Variants in MELTF observed in about 807,000 individuals in gnomAD.
MELTF encodes the protein melanotransferrin.
Under a neutral mutation model 83.7 loss-of-function variants are expected in MELTF, and 67 were observed. The ratio of observed to expected loss-of-function variants is 0.80; its 90% CI spans 0.66 to 0.98. The LOEUF (loss-of-function observed/expected upper bound fraction) is 0.98, where lower values mean the gene tolerates loss of function less well. MELTF is among the 50% of genes least tolerant of loss of function. The pLI is 0.00. For synonymous variants in MELTF, 462 were observed against 447.6 expected (o/e 1.03, Z -0.41); for missense variants, 1,002 against 1,035.6 (o/e 0.97, Z 0.44).
Position 197,004,099 on chromosome 3 carries a change from C to T in MELTF, c.1939G>A (p.Asp647Asn), listed in dbSNP as rs1487109084. The change falls in exon 15 of 16, where the codon GAC becomes AAC. Residue 647 changes from aspartate (D) to asparagine (N), a missense_variant and splice_region_variant. Coordinates refer to ENST00000296350, the MANE Select transcript of MELTF (RefSeq NM_005929.6). ...TTATTGTGGTCGTCTCCAAACAGGTCCTGGAAGCACCGCAGGCAGACGACC... is the reference window on the plus strand; with the variant it reads ...TTATTGTGGTCGTCTCCAAACAGGTTCTGGAAGCACCGCAGGCAGACGACC... ...TVYGLLDKAQ[D>N]LFGDDHNKNG... 1 of 1,614,070 alleles carries T rather than the reference C, an allele frequency of 6.2e-7. No homozygotes were observed. The highest frequency in any genetic ancestry group is 1.1e-5 in the South Asian group (1 of 91,076).
intron 9 of MELTF, among the ~76,000 whole-genome samples, chr3:197,012,510 G>A (rs1355857833): frequency 2.0e-5 from 3 of 152,270 alleles, no homozygotes; most frequent in African/African-American, 4.8e-5. Context: ...CCTTCCAGTC[G>A]ATGTGGTTCC....
Position 197,008,372 on chromosome 3 carries a change from T to C in MELTF, c.1750+285A>G, listed in dbSNP as rs1719053444. ...ACATCAATACTCCCAGAAGGGGGTC[T>C]TTCCAGATTGACTGGGATTGAGTTT... is the stretch of plus-strand genomic sequence containing the variant. On this transcript the variant is annotated intron_variant, in intron 13 of 15. Coordinates refer to ENST00000296350, the MANE Select transcript of MELTF (RefSeq NM_005929.6). The surrounding 1 kb of genome is among the most constrained non-coding windows in gnomAD (Gnocchi z 5.4). 6.6e-6 allele frequency among the ~76,000 whole-genome samples: 1 copy of C among 152,192 alleles called. No individual in the cohort carries two copies. The highest frequency in any genetic ancestry group is 2.1e-4 in the South Asian group (1 of 4,830).
rs1718998853 is a variant in MELTF, at chr3:197,006,820, G to A, written c.1751-84C>T. The stretch of plus-strand genomic sequence containing the variant: ...AGAAGCTGCTATCCTGGGACCCCAA[G>A]GCCTTCACCACAGGGAGGTGGCAAC... On this transcript the variant is annotated intron_variant, in intron 13 of 15. Transcript: ENST00000296350. This position sits in a 1 kb window ranked among gnomAD's most constrained non-coding sequence, Gnocchi z 5.4. 7.7e-7 allele frequency: 1 copy of A among 1,293,160 alleles called. No individual in the cohort carries two copies. The allele number at this position is 1,293,160 out of a possible 1,614,324, so 80.1% of individuals were successfully genotyped here.
In MELTF at chr3:197,017,160, C is replaced by A; in HGVS notation, c.843G>T (p.Val281=). The A allele has an allele frequency of 6.2e-7, 1 of 1,611,490 alleles. No homozygotes were observed. ...CHLARVPAHA[V]VVRADTDGGL... ...CCCCATCTGTGTCGGCCCGGACCAC[C>A]ACGGCGTGAGCAGGCACCCGGGCCA... The change falls in exon 7 of 16, where the codon GTG becomes GTT. Residue 281 remains valine, a synonymous_variant. Transcript: ENST00000296350.
Position 197,022,107 on chromosome 3 carries a change from T to C in MELTF, c.645-636A>G, listed in dbSNP as rs978996050. On this transcript the variant is annotated intron_variant, in intron 5 of 15. Transcript: ENST00000296350. The surrounding 1 kb of genome is among the most constrained non-coding windows in gnomAD (Gnocchi z 5.1). The stretch of plus-strand genomic sequence containing the variant: ...TCATGCCATGCCGCAGAATCCTCAG[T>C]GGAAGGGACCATTGACTTTTACACG... 2.6e-5 allele frequency among the ~76,000 whole-genome samples: 4 copies of C among 152,154 alleles called. No individual in the cohort carries two copies. The highest frequency in any genetic ancestry group is 2.6e-4 in the Admixed American group (4 of 15,276).
Position 197,016,190 on chromosome 3 carries a change from G to T in MELTF, c.1080C>A (p.Asn360Lys). ...AGCAGTGGGGACAGGTGGACTTACG[G>T]TTGGGGTCACAGAGCAGACCCTTCA... ...HAMKGLLCDP[N>K]RLPPYLRWCV... The change falls in exon 8 of 16, where the codon AAC (asparagine) becomes AAA (lysine). Residue 360 changes from asparagine to lysine, a missense_variant and splice_region_variant. Transcript: ENST00000296350. 2.0e-6 allele frequency: 3 copies of T among 1,533,260 alleles called. No homozygotes were observed. The highest frequency in any genetic ancestry group is 4.8e-5 in the East Asian group (2 of 41,684). 95.0% of individuals were successfully genotyped at this position (1,533,260 alleles called of 1,614,324 possible).
At chr3:197,015,610 G>A (rs901098838) in intron 8 of MELTF, 94 bp from the exon 9 acceptor site, 9 of 1,353,744 alleles carry the variant, frequency 6.6e-6, no homozygotes, top group Non-Finnish European at 9.1e-6. Flanking sequence ...CCTTTCTCCT[G>A]TCAGGTGTGT....
In MELTF at chr3:197,015,375, T is replaced by C. The variant is rs1301694666; in HGVS notation, c.1223A>G (p.Glu408Gly). The change falls in exon 9 of 16, where the codon GAG becomes GGG. Residue 408 changes from glutamate (E) to glycine (G), a missense_variant. Transcript: ENST00000296350. ...CTGCGTGACTCCCACCTGGATCCGC[T>C]CCATGCAGTGTTGGGGGGACTTGGC... ...VSAKSPQHCMERIQAEQVDAV... is the reference protein window; with the variant it reads ...VSAKSPQHCMGRIQAEQVDAV... 11 of 1,565,454 alleles carry C rather than the reference T, an allele frequency of 7.0e-6. No individual in the cohort carries two copies. Among genetic ancestry groups the C allele is most frequent in the Non-Finnish European group, 8.7e-7 (1 of 1,155,382 alleles).
At position 197,029,230 on chromosome 3, in the gene MELTF, C is replaced by CGGA. The variant is rs1719986639; in HGVS notation, c.49+421_49+423dup. On this transcript the variant is annotated intron_variant, in intron 1 of 15. Coordinates refer to ENST00000296350, the MANE Select transcript of MELTF (RefSeq NM_005929.6). This position sits in a 1 kb window ranked among gnomAD's most constrained non-coding sequence, Gnocchi z 6.5. ...CCTGCATGTGCCAGAAACCCCCGGGCGGACTCCCGCGCCTGCCGGTCAGTC... is the reference window on the plus strand; with the variant it reads ...CCTGCATGTGCCAGAAACCCCCGGGCGGAGGACTCCCGCGCCTGCCGGTCAGTC... The CGGA allele has an allele frequency of 6.2e-6, 1 of 160,616 alleles. No homozygotes were observed. Among genetic ancestry groups the CGGA allele is most frequent in the African/African-American group, 2.4e-5 (1 of 41,844 alleles). 9.9% of individuals were successfully genotyped at this position (160,616 alleles called of 1,614,324 possible).
intron 6 of MELTF, 42 bp downstream of exon 6, chr3:197,021,362 T>C (rs750216900): frequency 1.2e-5 from 20 of 1,606,378 alleles, no homozygotes; most frequent in Non-Finnish European, 1.5e-5. Context: ...CGGCCTGGCC[T>C]GACTCCCTGC....
At chr3:197,005,050 C>G (rs6793175) in intron 14 of MELTF, among the ~76,000 whole-genome samples, 6 of 152,020 alleles carry the variant, frequency 3.9e-5, no homozygotes, top group African/African-American at 1.5e-4. Context: ...ACAGGCCTGG[C>G]GAGCCAGCCA....
Position 197,007,304 on chromosome 3 carries a change from T to A in MELTF, c.1751-568A>T, listed in dbSNP as rs1443061193. Among the ~76,000 whole-genome samples the A allele has an allele frequency of 6.6e-6, 1 of 152,188 alleles. No homozygotes were observed. On this transcript the variant is annotated intron_variant, in intron 13 of 15. Transcript: ENST00000296350. The surrounding 1 kb of genome is among the most constrained non-coding windows in gnomAD (Gnocchi z 4.3). ...CAAGAATCTGCATGTTAAACCAGCA[T>A]CCCACTGATTCTAAAGCAGGCGGTC...
rs1281183318 is a variant in MELTF, at chr3:197,026,720, T to C, written c.244A>G (p.Ile82Val). The change falls in exon 3 of 16, where the codon ATC becomes GTC. Residue 82 changes from isoleucine to valine, a missense_variant. Ile to Val is a conservative substitution (Grantham distance 29). Transcript: ENST00000296350. ...ADAITLDGGA[I>V]YEAGKEHGLK... ...CCGTGCTCCTTTCCCGCCTCATAGA[T>C]GGCTCCTCCATCCAGAGTGATGGCG... 2 of 1,613,314 alleles carry C rather than the reference T, an allele frequency of 1.2e-6. No individual in the cohort carries two copies. Among genetic ancestry groups the C allele is most frequent in the Admixed American group, 3.3e-5 (2 of 60,014 alleles).
In MELTF at chr3:197,017,244, G is replaced by C. The variant is rs768912729; in HGVS notation, c.759C>G (p.Phe253Leu). ...SWGQALLSQD[F>L]ELLCRDGSRA... The stretch of plus-strand genomic sequence containing the variant: ...GGCTACCATCCCGGCACAGCAGCTC[G>C]AAGTCCTGTGACAGCAGGGCCTGGC... Residue 253 changes from phenylalanine to leucine, a missense_variant, in exon 7 of 16, where the codon TTC becomes TTG. Coordinates refer to ENST00000296350, the MANE Select transcript of MELTF (RefSeq NM_005929.6). 4 of 1,585,606 alleles carry C rather than the reference G, an allele frequency of 2.5e-6. No homozygotes were observed. In the South Asian group the frequency reaches 3.5e-5, roughly 14 times the overall value.
Position 197,008,616 on chromosome 3 carries a change from C to G in MELTF, c.1750+41G>C. On this transcript the variant is annotated intron_variant, in intron 13 of 15. Coordinates refer to ENST00000296350, the MANE Select transcript of MELTF (RefSeq NM_005929.6). This position sits in a 1 kb window ranked among gnomAD's most constrained non-coding sequence, Gnocchi z 5.4. ...GATGGTGCTGAAGATGGGGAACAGT[C>G]CCCCCGACCTACCTTTGGCCCTGCT... is the stretch of plus-strand genomic sequence containing the variant. The G allele has an allele frequency of 6.3e-7, 1 of 1,586,838 alleles. No individual in the cohort carries two copies. The highest frequency in any genetic ancestry group is 8.6e-7 in the Non-Finnish European group (1 of 1,162,434).
chr3:197,012,916 T>C (rs2148582314), intron 9 of MELTF, among the ~76,000 whole-genome samples: 1 of 152,384 alleles, frequency 6.6e-6, no homozygotes. Flanking sequence ...GTCATATCTC[T>C]GTATATAAAG....
intron 6 of MELTF, 87 bp from the exon 7 acceptor site, chr3:197,017,377 G>A (rs1719425904): frequency 8.0e-7 from 1 of 1,250,292 alleles, no homozygotes; most frequent in Non-Finnish European, 1.1e-6. Flanking sequence ...AATCTGAGGG[G>A]TGGCTGGGTG....
intron 3 of MELTF, 21 bp downstream of exon 3, chr3:197,026,639 C>G (rs772454837): frequency 1.2e-6 from 2 of 1,607,184 alleles, no homozygotes; most frequent in East Asian, 4.5e-5. Flanking sequence ...TGTCCTCTCT[C>G]CTCCCACTGC....
At chr3:197,017,046 A>G in intron 7 of MELTF, 57 bp downstream of exon 7, 1 of 1,571,746 alleles carries the variant, frequency 6.4e-7, no homozygotes, top group African/African-American at 1.3e-5. Context: ...CTGAGCGACC[A>G]CAAGGCCCGG....
Sources: gnomAD v4.1 joint callset for allele counts (sites outside exome capture counted in the v4.1 genomes callset) on GRCh38, gnomAD v4.1.1 for gene constraint, Gnocchi (gnomAD v3.1) non-coding constraint, MANE v1.5 for transcripts, NCBI Gene and HGNC (gene_info 2026-07-23, HGNC 2026-07-21) for gene names.